The following ATP13A1 variants were observed in gnomAD, a reference collection of about 807,000 sequenced individuals.
The protein encoded by ATP13A1 is ATPase 13A1.
In ATP13A1, 55 loss-of-function variants were observed where a neutral mutation model predicts 134.8. The observed-to-expected ratio is 0.41, with a 90% CI of 0.33 to 0.51. ATP13A1 has a LOEUF of 0.51. ATP13A1 is among the 20% of genes least tolerant of loss of function. The pLI, the probability that ATP13A1 is intolerant of heterozygous loss-of-function variation, is 0.29. For synonymous variants in ATP13A1, 775 were observed against 725.1 expected, an observed-to-expected ratio of 1.07 and a Z score of -1.10; for missense variants, 1,389 against 1,652.8, an observed-to-expected ratio of 0.84 and a Z score of 2.77.
At position 19,645,303 on chromosome 19, in the gene ATP13A1, A is replaced by G. The variant is rs2061976957; in HGVS notation, c.*119T>C. 3 of 1,168,162 alleles carry G rather than the reference A, an allele frequency of 2.6e-6. No homozygotes were observed. The highest frequency in any genetic ancestry group is 2.3e-5 in the Admixed American group (1 of 42,714). The allele number at this position is 1,168,162 out of a possible 1,614,324, so 72.4% of individuals were successfully genotyped here. Reference sequence around the variant, plus strand: ...TGTGGGGGTCCCAGCTCAGTCTTCCAAGGGCGAGACTGTACAGCCTTGCTG... The same window carrying G: ...TGTGGGGGTCCCAGCTCAGTCTTCCGAGGGCGAGACTGTACAGCCTTGCTG... On this transcript the variant is annotated 3_prime_UTR_variant, in exon 26 of 26. Transcript: ENST00000357324. The surrounding 1 kb of genome is among the most constrained non-coding windows in gnomAD (Gnocchi z 4.1).
chr19:19,645,490 G>C lies in ATP13A1; in HGVS notation c.3547C>G (p.Leu1183Val). Residue 1183 changes from leucine (L) to valine (V), a missense_variant, in exon 26 of 26, where the codon CTG (leucine) becomes GTG (valine). Leu to Val is a conservative substitution (Grantham distance 32). Transcript: ENST00000357324. This position sits in a 1 kb window ranked among gnomAD's most constrained non-coding sequence, Gnocchi z 4.1. ...IAQVLLLDFCLALLADRVLQF... is the reference protein window; with the variant it reads ...IAQVLLLDFCVALLADRVLQF... ...AGGACGCGGTCGGCCAGGAGCGCCA[G>C]GCAGAAGTCCAGGAGCAGGACCTGG... 1.2e-6 allele frequency: 2 copies of C among 1,608,188 alleles called. No homozygotes were observed. The highest frequency in any genetic ancestry group is 1.3e-5 in the African/African-American group (1 of 74,970).
Position 19,646,224 on chromosome 19 carries a change from G to A in ATP13A1, c.3229C>T (p.Gln1077Ter). 6.2e-7 allele frequency: 1 copy of A among 1,613,914 alleles called. No individual in the cohort carries two copies. Among genetic ancestry groups the A allele is most frequent in the Non-Finnish European group, 8.5e-7 (1 of 1,179,858 alleles). ...LSLVYLYREA[Q>*]ARSPEKQEQF... The stretch of plus-strand genomic sequence containing the variant: ...ACTTACTTCTCGGGGCTCCGGGCCT[G>A]GGCCTCACGGTACAGGTAGACAAGG... Residue 1077 changes from glutamine (Q) to a stop codon, truncating the protein, a stop_gained, in exon 23 of 26, where the codon CAG (glutamine) becomes TAG (stop). Coordinates refer to ENST00000357324, the MANE Select transcript of ATP13A1 (RefSeq NM_020410.3). LOFTEE classifies it high-confidence loss of function.
Position 19,645,846 on chromosome 19 carries a change from G to C in ATP13A1, c.3360+28C>G. ...GGGTGGGGCTGGGTGGGCAGACAGTGAATGTTTGGGCAGGGCCCAGGCCTT... is the reference window on the plus strand; with the variant it reads ...GGGTGGGGCTGGGTGGGCAGACAGTCAATGTTTGGGCAGGGCCCAGGCCTT... On this transcript the variant is annotated intron_variant, in intron 24 of 25. Transcript: ENST00000357324. This position sits in a 1 kb window ranked among gnomAD's most constrained non-coding sequence, Gnocchi z 4.1. The C allele has an allele frequency of 6.2e-7, 1 of 1,612,734 alleles. No homozygotes were observed. The highest frequency in any genetic ancestry group is 8.5e-7 in the Non-Finnish European group (1 of 1,179,256).
In ATP13A1 at chr19:19,647,502, G is replaced by T; in HGVS notation, c.2820C>A (p.Asp940Glu). 1.2e-6 allele frequency: 2 copies of T among 1,613,196 alleles called. No individual in the cohort carries two copies. The highest frequency in any genetic ancestry group is 1.7e-6 in the Non-Finnish European group (2 of 1,179,560). ...CAATGGGCGTACTCTCGTCCTCGAGGTCTCGCAGCACCTGGCTCAGGCGGT... is the reference window on the plus strand; with the variant it reads ...CAATGGGCGTACTCTCGTCCTCGAGTTCTCGCAGCACCTGGCTCAGGCGGT... The part of the protein sequence containing the change: ...QRDRLSQVLR[D>E]LEDESTPIVK... Residue 940 changes from aspartate to glutamate, a missense_variant, in exon 21 of 26, where the codon GAC becomes GAA. Coordinates refer to ENST00000357324, the MANE Select transcript of ATP13A1 (RefSeq NM_020410.3). This position sits in a 1 kb window ranked among gnomAD's most constrained non-coding sequence, Gnocchi z 4.8.
intron 3 of ATP13A1, among the ~76,000 whole-genome samples, chr19:19,658,149 CAAAAAAAAAA>C (rs61328844): frequency 3.0e-5 from 2 of 66,298 alleles, no homozygotes; most frequent in Non-Finnish European, 5.6e-5. Flanking sequence ...ACCCTGTCTC[CAAAAAAAAAA>C]AAAAAAAAAA....
chr19:19,663,663 C>A lies in ATP13A1; in HGVS notation c.4G>T (p.Ala2Ser). Residue 2 changes from alanine (A) to serine (S), a missense_variant, in exon 1 of 26, where the codon GCG (alanine) becomes TCG (serine). Physicochemically the swap from Ala to Ser is moderately conservative, Grantham distance 99 (BLOSUM62 1). This residue lies in a region of ATP13A1 where 293 missense variants were observed against 270.8 expected (regional missense o/e 1.08). Transcript: ENST00000357324. ...GCGTTGCCCACCGCCGCCGCTGCCG[C>A]CATCTTTCCTAGCGCCGCGCTCACT... is the stretch of plus-strand genomic sequence containing the variant. M[A>S]AAAAVGNAVP... 4 of 1,284,818 alleles carry A rather than the reference C, an allele frequency of 3.1e-6. No homozygotes were observed. Among genetic ancestry groups the A allele is most frequent in the Non-Finnish European group, 3.9e-6 (4 of 1,018,860 alleles). 79.6% of individuals were successfully genotyped at this position (1,284,818 alleles called of 1,614,324 possible).
chr19:19,662,127 G>T, intron 1 of ATP13A1: 1 of 1,562,740 alleles, frequency 6.4e-7, no homozygotes. Context: ...CCCTGGAGAG[G>T]AAGTTAAGAG....
In ATP13A1 at chr19:19,655,561, C is replaced by G; in HGVS notation, c.1363G>C (p.Ala455Pro). The change falls in exon 10 of 26, where the codon GCC (alanine) becomes CCC (proline). Residue 455 changes from alanine to proline, a missense_variant. This residue lies in a region of ATP13A1 where 747 missense variants were observed against 956.1 expected (regional missense o/e 0.78). Coordinates refer to ENST00000357324, the MANE Select transcript of ATP13A1 (RefSeq NM_020410.3). This position sits in a 1 kb window ranked among gnomAD's most constrained non-coding sequence, Gnocchi z 5.7. The part of the protein sequence containing the change: ...FIFILFLLVF[A>P]IAAAAYVWIE... ...CATACATAGGCAGCTGCAGCGATGG[C>G]AAACACCAGGAGGAAGAGGATGAAG... 6.2e-7 allele frequency: 1 copy of G among 1,613,988 alleles called. No individual in the cohort carries two copies. The highest frequency in any genetic ancestry group is 1.1e-5 in the South Asian group (1 of 91,088).
In ATP13A1 at chr19:19,647,483, G is replaced by C. The variant is rs2872954; in HGVS notation, c.2839C>G (p.Pro947Ala). Residue 947 changes from proline to alanine, a missense_variant, in exon 21 of 26, where the codon CCC becomes GCC. Physicochemically the swap from Pro to Ala is conservative, Grantham distance 27. Around this residue, in one of 4 missense-constraint regions of ATP13A1, gnomAD observed 121 missense variants for 104.9 expected, o/e 1.15. Transcript: ENST00000357324. The surrounding 1 kb of genome is among the most constrained non-coding windows in gnomAD (Gnocchi z 4.8). Reference sequence around the variant, plus strand: ...CTGGCATCCCCCAGTTTCACAATGGGCGTACTCTCGTCCTCGAGGTCTCGC... The same window carrying C: ...CTGGCATCCCCCAGTTTCACAATGGCCGTACTCTCGTCCTCGAGGTCTCGC... Reference protein sequence around the residue: ...VLRDLEDESTPIVKLGDASIA... With the variant: ...VLRDLEDESTAIVKLGDASIA... 10 of 1,613,254 alleles carry C rather than the reference G, an allele frequency of 6.2e-6. No homozygotes were observed. Among genetic ancestry groups the C allele is most frequent in the Non-Finnish European group, 8.5e-6 (10 of 1,179,632 alleles).
rs1568429020 is a variant in ATP13A1, at chr19:19,656,442, G to T, written c.1083+218C>A. 6.6e-6 allele frequency among the ~76,000 whole-genome samples: 1 copy of T among 152,080 alleles called. No homozygotes were observed. Among genetic ancestry groups the T allele is most frequent in the Non-Finnish European group, 1.5e-5 (1 of 68,008 alleles). On this transcript the variant is annotated intron_variant, in intron 7 of 25. Coordinates refer to ENST00000357324, the MANE Select transcript of ATP13A1 (RefSeq NM_020410.3). This position sits in a 1 kb window ranked among gnomAD's most constrained non-coding sequence, Gnocchi z 4.6. ...TCTGGACTGCTCCCAGCCCACCTTG[G>T]TCTGACATCCCAGGGCACCAATGTA... is the stretch of plus-strand genomic sequence containing the variant.
intron 3 of ATP13A1, 120 bp from the exon 4 acceptor site, chr19:19,657,528 T>A: frequency 9.8e-7 from 1 of 1,021,678 alleles, no homozygotes; most frequent in Non-Finnish European, 1.4e-6. Flanking sequence ...GAGCCATATG[T>A]GGGCGTCGGG....
At chr19:19,646,666 C>A (rs1318642680) in intron 22 of ATP13A1, 1 of 429,012 alleles carries the variant, frequency 2.3e-6, no homozygotes, top group Admixed American at 3.5e-5. Flanking sequence ...CAATCTCCCA[C>A]CCCCTCCAGC....
At chr19:19,652,174 T>C (rs995738777) in intron 16 of ATP13A1, among the ~76,000 whole-genome samples, 2 of 151,942 alleles carry the variant, frequency 1.3e-5, no homozygotes, top group African/African-American at 4.8e-5. Flanking sequence ...CCCAGAGCCA[T>C]CATCCTCTGA....
At chr19:19,659,329 G>A (rs1004524205) in intron 3 of ATP13A1, among the ~76,000 whole-genome samples, 1 of 152,160 alleles carries the variant, frequency 6.6e-6, no homozygotes, top group African/African-American at 2.4e-5. Context: ...GGTGGGGGGA[G>A]CCTGTATTCC....
rs112879098 is a variant in ATP13A1, at chr19:19,649,116, C to T, written c.2632+451G>A. Among the ~76,000 whole-genome samples, 16 of 150,548 alleles carry T rather than the reference C, an allele frequency of 1.1e-4. No individual in the cohort carries two copies. The East Asian group carries it at 2.2e-3, about 20-fold the overall frequency. On this transcript the variant is annotated intron_variant, in intron 19 of 25. Transcript: ENST00000357324. ...CAGCCTGGGTGACAGAGCAAGGCTC[C>T]GTCAAAAAAAAAAAAGACAGGGTCT...
chr19:19,648,557 C>G (rs922564672), intron 19 of ATP13A1, among the ~76,000 whole-genome samples: 3 of 150,992 alleles, frequency 2.0e-5, no homozygotes, highest in Non-Finnish European at 4.4e-5. Flanking sequence ...ACCTGTAATC[C>G]CAGCACTTTG....
At chr19:19,661,639 TG>T (rs2145023471) in intron 1 of ATP13A1, among the ~76,000 whole-genome samples, 1 of 152,356 alleles carries the variant, frequency 6.6e-6, no homozygotes, top group Non-Finnish European at 1.5e-5. Context: ...TTTTGTTCAC[TG>T]CTGTTTCCCC....
intron 19 of ATP13A1, among the ~76,000 whole-genome samples, chr19:19,648,041 G>A (rs188196719): frequency 1.6e-4 from 25 of 152,266 alleles, no homozygotes; most frequent in African/African-American, 5.1e-4. Context: ...GATTTTGGCC[G>A]AGCGCAGTGG....
At chr19:19,661,871 TACAA>T (rs368325929) in intron 1 of ATP13A1, among the ~76,000 whole-genome samples, 5 of 152,220 alleles carry the variant, frequency 3.3e-5, no homozygotes, top group African/African-American at 1.2e-4. Flanking sequence ...ATCACATAAC[TACAA>T]ACGTGACGTC....
Sources: gnomAD v4.1 joint callset for allele counts (sites outside exome capture counted in the v4.1 genomes callset) on GRCh38, gnomAD v4.1.1 for gene constraint, gnomAD v4.1.1 regional missense constraint, Gnocchi (gnomAD v3.1) non-coding constraint, MANE v1.5 for transcripts, NCBI Gene and HGNC (gene_info 2026-07-23, HGNC 2026-07-21) for gene names.